CDC23: variants seen among roughly 807,000 people sequenced by gnomAD.
CDC23 encodes cell division cycle protein 23 homolog.
In CDC23, 26 loss-of-function variants were observed where a neutral mutation model predicts 81.7. The ratio of observed to expected loss-of-function variants is 0.32; its 90% confidence interval spans 0.23 to 0.44. The LOEUF (loss-of-function observed/expected upper bound fraction) is 0.44, where lower values mean the gene tolerates loss of function less well. CDC23 is among the 20% of genes least tolerant of loss of function. The pLI is 1.00. For missense variants in CDC23, 519 were observed against 728.0 expected (o/e 0.71, Z 3.30); for synonymous variants, 267 against 270.8 (o/e 0.99, Z 0.14).
chr5:138,195,551 AATTATATATAATATATTTATATATAATAT>A (rs1275885880), intron 9 of CDC23, among the ~76,000 whole-genome samples: 10 of 106,782 alleles, frequency 9.4e-5, no homozygotes, highest in African/African-American at 3.2e-4. Context: ...TATATAATAT[AATTATATATAATATATTTATATATAATAT>A]ATTATATATA....
At chr5:138,212,750 A>G (rs1755127785) in intron 2 of CDC23, among the ~76,000 whole-genome samples, 1 of 152,214 alleles carries the variant, frequency 6.6e-6, no homozygotes, top group Non-Finnish European at 1.5e-5. Context: ...GGCTGAAATC[A>G]TAAGCAGTAA....
intron 3 of CDC23, chr5:138,205,756 C>T (rs1271853324): frequency 1.3e-5 from 2 of 150,628 alleles, no homozygotes; most frequent in Non-Finnish European, 3.0e-5. Context: ...GAATTTACCA[C>T]GCTTGACAAA....
At position 138,196,885 on chromosome 5, in the gene CDC23, T is replaced by C. The variant is rs553731318; in HGVS notation, c.1012+1314A>G. The stretch of plus-strand genomic sequence containing the variant: ...GTGAGCCACCGCGCCTGGCCTTTTT[T>C]TTTCCTTTTTTTTTTTTTTTTTTTT... On this transcript the variant is annotated intron_variant, in intron 9 of 15. Coordinates refer to ENST00000394886, the MANE Select transcript of CDC23 (RefSeq NM_004661.4). Among the ~76,000 whole-genome samples the C allele has an allele frequency of 2.3e-4, 33 of 144,106 alleles. No homozygotes were observed. In the East Asian group the frequency reaches 5.7e-3, roughly 25 times the overall value. The allele number at this position is 144,106 out of a possible 152,430, so 94.5% of individuals were successfully genotyped here.
intron 2 of CDC23, among the ~76,000 whole-genome samples, chr5:138,208,377 G>A (rs1368926913): frequency 6.6e-6 from 1 of 152,176 alleles, no homozygotes; most frequent in Admixed American, 6.5e-5. Context: ...TTCTTCATTA[G>A]ATCAACATGT....
intron 3 of CDC23, among the ~76,000 whole-genome samples, chr5:138,203,039 A>G (rs560312597): frequency 6.6e-6 from 1 of 152,344 alleles, no homozygotes; most frequent in Non-Finnish European, 1.5e-5. Flanking sequence ...TGAGGGGCTT[A>G]AAGGCATTGT....
chr5:138,199,023 G>A (rs1754953352), intron 6 of CDC23, among the ~76,000 whole-genome samples: 1 of 152,142 alleles, frequency 6.6e-6, no homozygotes, highest in Admixed American at 6.6e-5. Context: ...TTAGAGAATG[G>A]GTAGGATTTG....
chr5:138,200,451 C>A (rs1754974429), intron 6 of CDC23, among the ~76,000 whole-genome samples: 1 of 151,950 alleles, frequency 6.6e-6, no homozygotes, highest in South Asian at 2.1e-4. Flanking sequence ...TAATACAATT[C>A]TTGACAGCAG....
chr5:138,191,184 C>T (rs569687816), intron 13 of CDC23, among the ~76,000 whole-genome samples: 27 of 152,134 alleles, frequency 1.8e-4, no homozygotes, highest in African/African-American at 6.0e-4. Context: ...GGCGCGATCT[C>T]GGCTCACTGC....
chr5:138,192,044 T>A, intron 11 of CDC23, 107 bp from the exon 12 acceptor site: 1 of 1,012,276 alleles, frequency 9.9e-7, no homozygotes, highest in Non-Finnish European at 1.5e-6. Flanking sequence ...AACTGGTCTT[T>A]AACCTGATGC....
intron 8 of CDC23, 64 bp from the exon 9 acceptor site, chr5:138,198,344 A>G (rs1581486377): frequency 6.3e-7 from 1 of 1,577,108 alleles, no homozygotes; most frequent in Admixed American, 1.7e-5. Context: ...TTTTTCCTGT[A>G]GCTAATACAA....
chr5:138,198,635 G>T lies in CDC23; in HGVS notation c.802C>A (p.Gln268Lys), dbSNP rs1023554547. ...ATATTGTGATAGGCAACTGCAATTT[G>T]GGAAACAATATACGAGCTCTTAGAG... The part of the protein sequence containing the change: ...GFSKSSYIVS[Q>K]IAVAYHNIRD... Residue 268 changes from glutamine to lysine, a missense_variant, in exon 7 of 16, where the codon CAA (glutamine) becomes AAA (lysine). Gln to Lys is a moderately conservative substitution (Grantham distance 53, BLOSUM62 1). Transcript: ENST00000394886. 1 of 1,613,982 alleles carries T rather than the reference G, an allele frequency of 6.2e-7. No individual in the cohort carries two copies. The highest frequency in any genetic ancestry group is 8.5e-7 in the Non-Finnish European group (1 of 1,180,020).
At chr5:138,190,125 T>G in intron 13 of CDC23, 1 of 559,508 alleles carries the variant, frequency 1.8e-6, no homozygotes, top group Non-Finnish European at 3.2e-6. Flanking sequence ...AGTCAGTAAA[T>G]ATTAATATCT....
intron 2 of CDC23, among the ~76,000 whole-genome samples, chr5:138,208,947 G>A (rs937227897): frequency 4.6e-5 from 7 of 152,066 alleles, no homozygotes; most frequent in South Asian, 2.1e-4. Flanking sequence ...GCGTGCCACC[G>A]CACCACCATG....
intron 9 of CDC23, among the ~76,000 whole-genome samples, chr5:138,193,983 C>CCG (rs1754855923): frequency 1.3e-5 from 2 of 151,548 alleles, no homozygotes. Context: ...AGGTAGCGCT[C>CCG]TAAGTTTCCG....
At chr5:138,207,629 G>GT (rs1345356480) in intron 2 of CDC23, among the ~76,000 whole-genome samples, 5 of 152,054 alleles carry the variant, frequency 3.3e-5, no homozygotes, top group African/African-American at 1.2e-4. Context: ...AATTCTCTAT[G>GT]TTAAAAAAAA....
intron 2 of CDC23, among the ~76,000 whole-genome samples, chr5:138,208,001 G>A (rs1561637756): frequency 6.7e-6 from 1 of 150,354 alleles, no homozygotes; most frequent in Admixed American, 6.6e-5. Flanking sequence ...TCGCTCTGTC[G>A]CCTAGGATGG....
At chr5:138,201,031 T>G in intron 6 of CDC23, 76 bp downstream of exon 6, 1 of 1,525,540 alleles carries the variant, frequency 6.6e-7, no homozygotes, top group South Asian at 1.2e-5. Flanking sequence ...GCCAAAACTT[T>G]CCCCACCCCT....
intron 2 of CDC23, among the ~76,000 whole-genome samples, 194 bp from the exon 3 acceptor site, chr5:138,206,878 C>CTTTT (rs905919467): frequency 4.6e-5 from 6 of 131,020 alleles, no homozygotes; most frequent in South Asian, 4.7e-4. Flanking sequence ...CCATAGAACT[C>CTTTT]TTTTTTTTTT....
chr5:138,195,686 ATAT>A (rs1754886710), intron 9 of CDC23, among the ~76,000 whole-genome samples: 1 of 113,066 alleles, frequency 8.8e-6, no homozygotes, highest in Non-Finnish European at 1.7e-5. Context: ...GCATATATAC[ATAT>A]AATATATATG....
Sources: allele counts gnomAD v4.1 joint callset (sites outside exome capture counted in the v4.1 genomes callset), GRCh38; gene constraint gnomAD v4.1.1; transcripts MANE v1.5; gene names NCBI Gene and HGNC (gene_info 2026-07-23, HGNC 2026-07-21).